Variants in PRKDC observed in about 807,000 individuals in gnomAD.
PRKDC encodes the protein protein kinase, DNA-activated, catalytic subunit.
In PRKDC, 82 loss-of-function variants were observed where a neutral mutation model predicts 486.9. That is an observed-to-expected ratio of 0.17 (90% CI 0.14 to 0.20). PRKDC has a LOEUF of 0.20. Among genes scored for constraint, PRKDC ranks in the 10% least tolerant of loss-of-function variants. The pLI, the probability that PRKDC is intolerant of heterozygous loss-of-function variation, is 1.00. For missense variants in PRKDC, 4,504 were observed against 5,038.2 expected (o/e 0.89, Z 3.21); for synonymous variants, 1,895 against 1,837.0 (o/e 1.03, Z -0.81).
rs1015399201 is a variant in PRKDC, at chr8:47,782,774, G to A, written c.11176-176C>T. 5 of 626,070 alleles carry A rather than the reference G, an allele frequency of 8.0e-6. No individual in the cohort carries two copies. The highest frequency in any genetic ancestry group is 1.8e-5 in the African/African-American group (1 of 54,314). 38.8% of individuals were successfully genotyped at this position (626,070 alleles called of 1,614,324 possible). A position where few individuals can be genotyped will look rare whatever the true frequency, so the allele number is the denominator to read the frequency against. ...TGCTACCTGCTTGTGCCTGACTGCT[G>A]TGCCCGCAGAAATGTTGTATTCCTG... On this transcript the variant is annotated intron_variant, in intron 78 of 85. Coordinates refer to ENST00000314191, the MANE Select transcript of PRKDC (RefSeq NM_006904.7). This position sits in a 1 kb window ranked among gnomAD's most constrained non-coding sequence, Gnocchi z 4.9.
At chr8:47,865,904 C>G (rs1246316392) in intron 40 of PRKDC, among the ~76,000 whole-genome samples, 1 of 152,116 alleles carries the variant, frequency 6.6e-6, no homozygotes, top group Non-Finnish European at 1.5e-5. Flanking sequence ...GCCTGTAATC[C>G]CAGCACTTCG....
intron 74 of PRKDC, among the ~76,000 whole-genome samples, chr8:47,792,327 C>T (rs988892545): frequency 2.7e-5 from 4 of 148,612 alleles, no homozygotes; most frequent in Non-Finnish European, 4.4e-5. Flanking sequence ...GGCTTGATCT[C>T]GGCTCACTGC....
rs187807811 is a variant in PRKDC, at chr8:47,832,572, G to A, written c.8153-646C>T. Among the ~76,000 whole-genome samples the A allele has an allele frequency of 9.2e-5, 14 of 152,268 alleles. No homozygotes were observed. The East Asian group carries it at 2.1e-3, about 23-fold the overall frequency. On this transcript the variant is annotated intron_variant, in intron 59 of 85. Coordinates refer to ENST00000314191, the MANE Select transcript of PRKDC (RefSeq NM_006904.7). ...AAAAAAAGCTCATGGAAACTGAAAC[G>A]TGTCATAACTTAAAAGCACAGGTTG...
At chr8:47,908,029 A>C (rs755833395) in intron 25 of PRKDC, among the ~76,000 whole-genome samples, 1 of 152,206 alleles carries the variant, frequency 6.6e-6, no homozygotes, top group Non-Finnish European at 1.5e-5. Context: ...TACAGAGTGG[A>C]GAGTCCTGAG....
In PRKDC at chr8:47,821,677, T is replaced by C; in HGVS notation, c.9038A>G (p.Tyr3013Cys). The C allele has an allele frequency of 6.2e-7, 1 of 1,602,482 alleles. No homozygotes were observed. Among genetic ancestry groups the C allele is most frequent in the Admixed American group, 1.7e-5 (1 of 58,598 alleles). Residue 3013 changes from tyrosine to cysteine, a missense_variant, in exon 65 of 86, where the codon TAC (tyrosine) becomes TGC (cysteine). This residue lies in a region of PRKDC where 1,592 missense variants were observed against 1,724.6 expected (regional missense o/e 0.92). Transcript: ENST00000314191. Reference sequence around the variant, plus strand: ...ACTGTCTATACTGGCTGTAGAACAGTATTCAAGTGATTTCCACTCAGCAAG... The same window carrying C: ...ACTGTCTATACTGGCTGTAGAACAGCATTCAAGTGATTTCCACTCAGCAAG... ...NHLAEWKSLE[Y>C]CSTASIDSEN...
Position 47,820,801 on chromosome 8 carries a change from T to C in PRKDC, c.9254A>G (p.Glu3085Gly). Residue 3085 changes from glutamate to glycine, a missense_variant, in exon 66 of 86, where the codon GAG (glutamate) becomes GGG (glycine). Around this residue, in one of 6 missense-constraint regions of PRKDC, gnomAD observed 1,592 missense variants for 1,724.6 expected, o/e 0.92. Transcript: ENST00000314191. ...KAILELHYSQ[E>G]LSLLYLLQDD... ...TTGCAGGAGGTAAAGCAGACTCAGC[T>C]CTTGACTGTAATGAAGCTCTAGAAT... 3.1e-6 allele frequency: 5 copies of C among 1,613,214 alleles called. No individual in the cohort carries two copies. The highest frequency in any genetic ancestry group is 4.2e-6 in the Non-Finnish European group (5 of 1,179,440).
intron 32 of PRKDC, among the ~76,000 whole-genome samples, 195 bp from the exon 33 acceptor site, chr8:47,889,417 A>G (rs748548299): frequency 3.3e-5 from 5 of 152,218 alleles, no homozygotes; most frequent in Non-Finnish European, 5.9e-5. Context: ...TACGCGTCTG[A>G]TAAGAAAGCA....
Position 47,789,063 on chromosome 8 carries a change from A to T in PRKDC, c.10759-14T>A. 1 of 1,611,726 alleles carries T rather than the reference A, an allele frequency of 6.2e-7. No homozygotes were observed. The highest frequency in any genetic ancestry group is 8.5e-7 in the Non-Finnish European group (1 of 1,179,196). ...ATTGCTCCAATCCTGTCAGGGGAAA[A>T]AAAAAGTAAGAAAAAAATCAAGCTA... On this transcript the variant is annotated splice_polypyrimidine_tract_variant and intron_variant, in intron 75 of 85. Transcript: ENST00000314191.
chr8:47,783,620 C>T, intron 78 of PRKDC, 122 bp downstream of exon 78: 1 of 958,280 alleles, frequency 1.0e-6, no homozygotes, highest in Non-Finnish European at 1.6e-6. Context: ...AGTAAATATG[C>T]TAAACTTGAT....
At chr8:47,860,571 C>G (rs985623067) in intron 45 of PRKDC, among the ~76,000 whole-genome samples, 10 of 152,176 alleles carry the variant, frequency 6.6e-5, no homozygotes, top group African/African-American at 4.8e-5. Context: ...CTGAATGTAT[C>G]TAAACAACAT....
intron 63 of PRKDC, among the ~76,000 whole-genome samples, chr8:47,825,708 A>C (rs2087724182): frequency 6.6e-6 from 1 of 152,190 alleles, no homozygotes; most frequent in Non-Finnish European, 1.5e-5. Flanking sequence ...AATAGTAAAC[A>C]TACAAGGTGT....
chr8:47,795,260 G>T (rs2086959935), intron 73 of PRKDC, among the ~76,000 whole-genome samples: 2 of 150,168 alleles, frequency 1.3e-5, no homozygotes, highest in Non-Finnish European at 3.0e-5. Flanking sequence ...TGTGATCTCG[G>T]CTCACTGCAA....
At chr8:47,803,527 A>C in intron 69 of PRKDC, 47 bp from the exon 70 acceptor site, 2 of 1,584,594 alleles carry the variant, frequency 1.3e-6, no homozygotes, top group Non-Finnish European at 1.7e-6. Flanking sequence ...ATGATACACA[A>C]GTGACAGAAG....
intron 22 of PRKDC, among the ~76,000 whole-genome samples, chr8:47,916,821 C>T (rs552385865): frequency 2.6e-5 from 4 of 152,168 alleles, no homozygotes; most frequent in African/African-American, 7.2e-5. Flanking sequence ...TCAGAGTCAA[C>T]GCTAGAGAAT....
At chr8:47,854,305 CAG>C in intron 50 of PRKDC, 91 bp from the exon 51 acceptor site, 2 of 1,437,816 alleles carry the variant, frequency 1.4e-6, no homozygotes, top group East Asian at 2.3e-5. Flanking sequence ...TTTTTTGAGA[CAG>C]AGTCTGACTC....
intron 16 of PRKDC, among the ~76,000 whole-genome samples, chr8:47,932,686 G>C (rs1457407760): frequency 6.6e-6 from 1 of 151,818 alleles, no homozygotes; most frequent in East Asian, 1.9e-4. Flanking sequence ...GCAACCCCAG[G>C]TTTCCCTATC....
intron 52 of PRKDC, among the ~76,000 whole-genome samples, chr8:47,849,747 C>T (rs2088360075): frequency 6.6e-6 from 1 of 152,220 alleles, no homozygotes; most frequent in South Asian, 2.1e-4. Flanking sequence ...TCACTGTGCT[C>T]TGTGCTGAGC....
intron 36 of PRKDC, among the ~76,000 whole-genome samples, chr8:47,885,128 T>C (rs1219662629): frequency 6.6e-6 from 1 of 152,236 alleles, no homozygotes; most frequent in African/African-American, 2.4e-5. Context: ...AATCAATGTT[T>C]TAACATCCAA....
At position 47,796,597 on chromosome 8, in the gene PRKDC, T is replaced by TG. The variant is rs1356212568; in HGVS notation, c.10458+1639_10458+1640insC. ...GCAAACGTTTTTCTTCATTTTTTTT[T>TG]TTGTTGTTGTTGTTTTTTTTGAGAC... On this transcript the variant is annotated intron_variant, in intron 73 of 85. Coordinates refer to ENST00000314191, the MANE Select transcript of PRKDC (RefSeq NM_006904.7). 3.3e-5 allele frequency among the ~76,000 whole-genome samples: 5 copies of TG among 151,798 alleles called. No homozygotes were observed. In the East Asian group the frequency reaches 9.7e-4, roughly 29 times the overall value.
Sources: allele counts gnomAD v4.1 joint callset (sites outside exome capture counted in the v4.1 genomes callset), GRCh38; gene constraint gnomAD v4.1.1; regional missense constraint gnomAD v4.1.1; non-coding constraint Gnocchi (gnomAD v3.1); transcripts MANE v1.5; gene names NCBI Gene and HGNC (gene_info 2026-07-23, HGNC 2026-07-21).